GRIN3A: variants seen among roughly 807,000 people sequenced by gnomAD.
GRIN3A encodes the protein glutamate ionotropic receptor NMDA type subunit 3A, also known as glutamate receptor ionotropic, NMDA 3A.
Under a neutral mutation model 92.4 loss-of-function variants are expected in GRIN3A, and 47 were observed. That is an observed-to-expected ratio of 0.51 (90% CI 0.40 to 0.65). GRIN3A has a LOEUF of 0.65. GRIN3A is among the 30% of genes least tolerant of loss of function. The pLI, the probability that GRIN3A is intolerant of heterozygous loss-of-function variation, is 0.00. For missense variants in GRIN3A, 1,324 were observed against 1,393.1 expected, an observed-to-expected ratio of 0.95 and a Z score of 0.79; for synonymous variants, 527 against 540.6, an observed-to-expected ratio of 0.97 and a Z score of 0.35.
chr9:101,620,344 A>C (rs1022122013), intron 5 of GRIN3A, among the ~76,000 whole-genome samples: 1 of 152,128 alleles, frequency 6.6e-6, no homozygotes, highest in Admixed American at 6.5e-5. Context: ...CACTAATTCC[A>C]TTTTATTAGG....
intron 1 of GRIN3A, among the ~76,000 whole-genome samples, chr9:101,702,232 G>A (rs1180208691): frequency 1.3e-5 from 2 of 152,114 alleles, no homozygotes; most frequent in Admixed American, 1.3e-4. Flanking sequence ...AACCTGGGAG[G>A]CAGAGGTTGC....
rs1444563786 is a variant in GRIN3A, at chr9:101,687,217, G to GA, written c.700-18dup. On this transcript the variant is annotated splice_polypyrimidine_tract_variant and intron_variant, in intron 1 of 8. Transcript: ENST00000361820. ...AAGGGGATTCTGTATTTAAAGATAT[G>GA]AAAAAGAAGAATTAGAAAGCATTGG... 1.2e-6 allele frequency: 2 copies of GA among 1,613,028 alleles called. No individual in the cohort carries two copies. The highest frequency in any genetic ancestry group is 2.7e-5 in the African/African-American group (2 of 74,890).
At chr9:101,705,518 A>T (rs539127108) in intron 1 of GRIN3A, among the ~76,000 whole-genome samples, 4 of 152,294 alleles carry the variant, frequency 2.6e-5, no homozygotes, top group Non-Finnish European at 2.9e-5. Context: ...ATGCCGGCCA[A>T]GAATCCGGGG....
At chr9:101,578,313 G>C (rs1171552035) in intron 7 of GRIN3A, among the ~76,000 whole-genome samples, 2 of 151,908 alleles carry the variant, frequency 1.3e-5, no homozygotes, top group Non-Finnish European at 2.9e-5. Context: ...AAAGTAGGAA[G>C]AACAGGGTTC....
chr9:101,632,489 T>G lies in GRIN3A; in HGVS notation c.2353-4088A>C, dbSNP rs577649938. Among the ~76,000 whole-genome samples, 3 of 113,516 alleles carry G rather than the reference T, an allele frequency of 2.6e-5. No homozygotes were observed. In the South Asian group the frequency reaches 8.0e-4, roughly 30 times the overall value. 74.5% of individuals were successfully genotyped at this position (113,516 alleles called of 152,430 possible). A position where few individuals can be genotyped will look rare whatever the true frequency, so the allele number is the denominator to read the frequency against. ...GCTTGATAAATAATGACATAATAAATGAATTGTCATCATTATTAAGAGAAT... is the reference window on the plus strand; with the variant it reads ...GCTTGATAAATAATGACATAATAAAGGAATTGTCATCATTATTAAGAGAAT... On this transcript the variant is annotated intron_variant, in intron 3 of 8. Transcript: ENST00000361820.
intron 2 of GRIN3A, among the ~76,000 whole-genome samples, chr9:101,681,355 T>G (rs1175651806): frequency 2.0e-5 from 3 of 152,260 alleles, no homozygotes; most frequent in Non-Finnish European, 4.4e-5. Flanking sequence ...TTTATAAATA[T>G]GTCAGGGCTA....
chr9:101,738,248 C>T lies in GRIN3A; in HGVS notation c.-269G>A. ...AGCAGGCAGGCGGGCGGGCCGGCGC[C>T]TGTCACCCGCAGCTGGAGCGCCCGT... On this transcript the variant is annotated 5_prime_UTR_variant, in exon 1 of 9. Coordinates refer to ENST00000361820, the MANE Select transcript of GRIN3A (RefSeq NM_133445.3). 2.0e-6 allele frequency: 1 copy of T among 511,492 alleles called. No individual in the cohort carries two copies. The highest frequency in any genetic ancestry group is 2.2e-5 in the South Asian group (1 of 45,798). The allele number at this position is 511,492 out of a possible 1,614,324, so 31.7% of individuals were successfully genotyped here.
At chr9:101,574,949 A>T (rs529314253) in intron 8 of GRIN3A, among the ~76,000 whole-genome samples, 101 of 152,276 alleles carry the variant, frequency 6.6e-4, no homozygotes, top group Non-Finnish European at 1.3e-3. Flanking sequence ...TGCTTTCCCC[A>T]TCCCCCAAAG....
At chr9:101,603,354 G>T (rs186470347) in intron 6 of GRIN3A, among the ~76,000 whole-genome samples, 2 of 152,202 alleles carry the variant, frequency 1.3e-5, no homozygotes, top group East Asian at 3.9e-4. Flanking sequence ...CAGGGAAGGA[G>T]AGAACATTTG....
intron 1 of GRIN3A, among the ~76,000 whole-genome samples, chr9:101,726,635 G>C (rs550275192): frequency 3.6e-4 from 55 of 151,476 alleles, no homozygotes; most frequent in Non-Finnish European, 6.2e-4. Flanking sequence ...CAATATAGAA[G>C]TCACTACCCA....
At chr9:101,586,380 A>G (rs1250782425) in intron 6 of GRIN3A, among the ~76,000 whole-genome samples, 2 of 152,234 alleles carry the variant, frequency 1.3e-5, no homozygotes, top group South Asian at 2.1e-4. Context: ...GAATGAAAGC[A>G]TATGAAAACT....
intron 2 of GRIN3A, among the ~76,000 whole-genome samples, chr9:101,678,812 C>T (rs529438215): frequency 6.6e-5 from 10 of 152,264 alleles, no homozygotes; most frequent in African/African-American, 2.4e-4. Flanking sequence ...TTTCTTGCTT[C>T]CATGTGTTGT....
intron 6 of GRIN3A, chr9:101,595,106 G>C (rs1417870562): frequency 3.2e-6 from 2 of 631,728 alleles, no homozygotes; most frequent in Non-Finnish European, 5.4e-6. Flanking sequence ...AGGGAGCGGA[G>C]AGAGGAGGGA....
At chr9:101,646,234 G>C (rs1177099248) in intron 3 of GRIN3A, among the ~76,000 whole-genome samples, 1 of 151,662 alleles carries the variant, frequency 6.6e-6, no homozygotes, top group African/African-American at 2.4e-5. Context: ...AAACCATTTT[G>C]ATTTGACTTT....
chr9:101,633,514 T>C (rs569378090), intron 3 of GRIN3A, among the ~76,000 whole-genome samples: 1 of 152,276 alleles, frequency 6.6e-6, no homozygotes, highest in South Asian at 2.1e-4. Flanking sequence ...CCCTGGGCCA[T>C]GGACAGGTAA....
chr9:101,600,616 G>C (rs1036720662), intron 6 of GRIN3A, among the ~76,000 whole-genome samples: 2 of 152,170 alleles, frequency 1.3e-5, no homozygotes, highest in African/African-American at 2.4e-5. Context: ...TTCTGGGAAG[G>C]AATGAGTGTT....
chr9:101,658,841 A>G (rs1033123413), intron 3 of GRIN3A, among the ~76,000 whole-genome samples: 2 of 151,776 alleles, frequency 1.3e-5, no homozygotes, highest in Admixed American at 1.3e-4. Flanking sequence ...GAGAAAATTG[A>G]GTCCTAGCTG....
At chr9:101,583,459 T>G (rs1827914829) in intron 6 of GRIN3A, among the ~76,000 whole-genome samples, 1 of 152,208 alleles carries the variant, frequency 6.6e-6, no homozygotes, top group African/African-American at 2.4e-5. Flanking sequence ...GTGCTGTGCA[T>G]ATGTGCATCT....
intron 1 of GRIN3A, among the ~76,000 whole-genome samples, chr9:101,694,797 A>C (rs985636130): frequency 2.0e-5 from 3 of 152,176 alleles, no homozygotes; most frequent in African/African-American, 7.2e-5. Context: ...TGTTCAGGCA[A>C]GATGTTCCAA....
Sources: gnomAD v4.1 joint callset for allele counts (sites outside exome capture counted in the v4.1 genomes callset) on GRCh38, gnomAD v4.1.1 for gene constraint, MANE v1.5 for transcripts, NCBI Gene and HGNC (gene_info 2026-07-23, HGNC 2026-07-21) for gene names.